The following ZNF493 variants were observed in gnomAD, a reference collection of about 807,000 sequenced individuals.
ZNF493 encodes zinc finger protein 493.
ZNF493 carries 11 observed loss-of-function variants against 12.2 expected under a neutral mutation model. That is an observed-to-expected ratio of 0.90 (90% confidence interval 0.57 to 1.50). The LOEUF is 1.50. ZNF493 is among the 40% of genes most tolerant of loss of function. ZNF493 has a pLI of 0.00. For missense variants in ZNF493, 950 were observed against 906.6 expected (o/e 1.05, Z -0.61); for synonymous variants, 286 against 302.6 (o/e 0.95, Z 0.57).
chr19:21,408,246 C>G, intron 3 of ZNF493: 1 of 695,842 alleles, frequency 1.4e-6, no homozygotes, highest in Non-Finnish European at 1.8e-6. Flanking sequence ...CTACCTCAGC[C>G]TCCTGAGTAG....
At chr19:21,408,713 T>G in intron 3 of ZNF493, 1 of 985,254 alleles carries the variant, frequency 1.0e-6, no homozygotes, top group Non-Finnish European at 1.2e-6. Context: ...TGGTTATGTA[T>G]TATAATTTTA....
intron 3 of ZNF493, among the ~76,000 whole-genome samples, chr19:21,415,250 CAATT>C (rs2030452467): frequency 6.6e-6 from 1 of 152,148 alleles, no homozygotes; most frequent in African/African-American, 2.4e-5. Context: ...ACTTGCTTCT[CAATT>C]AGTTGTAACT....
In ZNF493 at chr19:21,426,306, C is replaced by T. The variant is rs990365967; in HGVS notation, c.*1322C>T. The T allele has an allele frequency of 5.6e-6, 1 of 178,972 alleles. No homozygotes were observed. Among genetic ancestry groups the T allele is most frequent in the Non-Finnish European group, 1.3e-5 (1 of 75,092 alleles). 11.1% of individuals were successfully genotyped at this position (178,972 alleles called of 1,614,324 possible). A position where few individuals can be genotyped will look rare whatever the true frequency, so the allele number is the denominator to read the frequency against. On this transcript the variant is annotated 3_prime_UTR_variant, in exon 4 of 4. Coordinates refer to ENST00000392288, the MANE Select transcript of ZNF493 (RefSeq NM_001076678.3). ...TGTGGCAAAGTTTTTAACTAATACA[C>T]CTTATTGCACAGAAAATCATTTATA...
chr19:21,424,914 G>C lies in ZNF493; in HGVS notation c.2255G>C (p.Arg752Pro). Residue 752 changes from arginine to proline, a missense_variant, in exon 4 of 4, where the codon CGG becomes CCG. Transcript: ENST00000392288. ...KCEACGKAFR[R>P]SSHLSRHKII... ...GAAGCATGTGGCAAAGCTTTTAGGCGGTCTTCACATCTTAGTAGACATAAG... is the reference window on the plus strand; with the variant it reads ...GAAGCATGTGGCAAAGCTTTTAGGCCGTCTTCACATCTTAGTAGACATAAG... The C allele has an allele frequency of 6.2e-7, 1 of 1,611,788 alleles. No individual in the cohort carries two copies. The highest frequency in any genetic ancestry group is 8.5e-7 in the Non-Finnish European group (1 of 1,178,948).
chr19:21,405,646 A>G (rs1459575745), intron 2 of ZNF493, 115 bp from the exon 3 acceptor site: 3 of 1,101,954 alleles, frequency 2.7e-6, no homozygotes, highest in Non-Finnish European at 3.7e-6. Context: ...ATTAAATAGT[A>G]TTTTGGGATA....
At chr19:21,403,473 G>GTT in intron 1 of ZNF493, among the ~76,000 whole-genome samples, 1 of 151,292 alleles carries the variant, frequency 6.6e-6, no homozygotes, top group South Asian at 2.1e-4. Flanking sequence ...AATCTCTCCT[G>GTT]TTATAAAGGA....
chr19:21,418,049 C>G (rs926901332), intron 3 of ZNF493, among the ~76,000 whole-genome samples: 2 of 152,184 alleles, frequency 1.3e-5, no homozygotes, highest in African/African-American at 2.4e-5. Context: ...CTATATCACT[C>G]TCTCGTCTAG....
intron 3 of ZNF493, among the ~76,000 whole-genome samples, chr19:21,417,558 T>A (rs1165045307): frequency 6.6e-6 from 1 of 152,276 alleles, no homozygotes; most frequent in South Asian, 2.1e-4. Context: ...ACGGTTCTTT[T>A]GGTCCCTGTT....
chr19:21,399,635 T>A (rs1466661903), intron 1 of ZNF493, among the ~76,000 whole-genome samples: 1 of 152,214 alleles, frequency 6.6e-6, no homozygotes, highest in Non-Finnish European at 1.5e-5. Context: ...AAATTATATC[T>A]AATCATATAT....
At chr19:21,408,550 GT>G (rs2030213069) in intron 3 of ZNF493, 2 of 984,402 alleles carry the variant, frequency 2.0e-6, no homozygotes, top group Non-Finnish European at 2.4e-6. Flanking sequence ...GATGAGTACA[GT>G]TACAGTCAAA....
Position 21,424,701 on chromosome 19 carries a change from A to C in ZNF493, c.2042A>C (p.Glu681Ala), listed in dbSNP as rs201709398. The C allele has an allele frequency of 9.7e-5, 157 of 1,613,058 alleles. No individual in the cohort carries two copies. The highest frequency in any genetic ancestry group is 1.2e-4 in the Non-Finnish European group (141 of 1,179,544). The change falls in exon 4 of 4, where the codon GAA becomes GCA. Residue 681 changes from glutamate (E) to alanine (A), a missense_variant. Coordinates refer to ENST00000392288, the MANE Select transcript of ZNF493 (RefSeq NM_001076678.3). ...ACTAAACATAAGATAATTCATACTG[A>C]AGAGAAACCCTACAAATGTGAAAAA... ...TLTKHKIIHTEEKPYKCEKCG... is the reference protein window; with the variant it reads ...TLTKHKIIHTAEKPYKCEKCG...
intron 1 of ZNF493, among the ~76,000 whole-genome samples, chr19:21,399,900 T>G (rs2029885473): frequency 6.6e-6 from 1 of 152,210 alleles, no homozygotes; most frequent in African/African-American, 2.4e-5. Context: ...TTCCTTTTTT[T>G]GCAAGGTAAA....
chr19:21,407,849 A>T (rs961629284), intron 3 of ZNF493: 1 of 985,236 alleles, frequency 1.0e-6, no homozygotes, highest in East Asian at 1.1e-4. Flanking sequence ...TTCCAGTGCT[A>T]TGTTAAAATA....
At chr19:21,397,297 G>A in intron 1 of ZNF493, 30 bp downstream of exon 1, 1 of 1,614,178 alleles carries the variant, frequency 6.2e-7, no homozygotes, top group South Asian at 1.1e-5. Flanking sequence ...CATCACGAGA[G>A]AGGGGAAGGA....
At chr19:21,404,725 G>T (rs2145269069) in intron 1 of ZNF493, among the ~76,000 whole-genome samples, 1 of 151,752 alleles carries the variant, frequency 6.6e-6, no homozygotes, top group East Asian at 1.9e-4. Context: ...TGGGAAAAAA[G>T]AATCTGCACA....
rs146301555 is a variant in ZNF493, at chr19:21,424,155, A to G, written c.1496A>G (p.Asn499Ser). 2 of 1,613,492 alleles carry G rather than the reference A, an allele frequency of 1.2e-6. No individual in the cohort carries two copies. The highest frequency in any genetic ancestry group is 1.7e-6 in the Non-Finnish European group (2 of 1,179,726). Residue 499 changes from asparagine to serine, a missense_variant, in exon 4 of 4, where the codon AAC becomes AGC. Coordinates refer to ENST00000392288, the MANE Select transcript of ZNF493 (RefSeq NM_001076678.3). ...TGTGAAGAATGTGGCAAAGCTTTTA[A>G]CCAATCTTCAACCCTTAGTATACAT... ...YKCEECGKAFNQSSTLSIHKI... is the reference protein window; with the variant it reads ...YKCEECGKAFSQSSTLSIHKI...
At position 21,425,243 on chromosome 19, in the gene ZNF493, G is replaced by A; in HGVS notation, c.*259G>A. 1.9e-6 allele frequency: 1 copy of A among 522,722 alleles called. No individual in the cohort carries two copies. The highest frequency in any genetic ancestry group is 3.1e-5 in the Admixed American group (1 of 31,792). 32.4% of individuals were successfully genotyped at this position (522,722 alleles called of 1,614,324 possible). ...AGTTCTCATCCCTTACTAAACATAA[G>A]AGAATTCATACCATAGAGAAATCCT... On this transcript the variant is annotated 3_prime_UTR_variant, in exon 4 of 4. Coordinates refer to ENST00000392288, the MANE Select transcript of ZNF493 (RefSeq NM_001076678.3).
At position 21,405,802 on chromosome 19, in the gene ZNF493, C is replaced by T. The variant is rs200428628; in HGVS notation, c.199C>T (p.Gln67Ter). The T allele has an allele frequency of 2.5e-5, 39 of 1,587,730 alleles. No homozygotes were observed. Among genetic ancestry groups the T allele is most frequent in the Non-Finnish European group, 3.2e-5 (37 of 1,166,572 alleles). ...SKPDLVTCLE[Q>*]GKDPWNMKGH... ...GCCAGATCTGGTCACCTGTCTGGAGCAAGGAAAAGATCCCTGGAATATGAA... is the reference window on the plus strand; with the variant it reads ...GCCAGATCTGGTCACCTGTCTGGAGTAAGGAAAAGATCCCTGGAATATGAA... Residue 67 changes from glutamine (Q) to a stop codon, truncating the protein, a stop_gained, in exon 3 of 4, where the codon CAA becomes TAA. Transcript: ENST00000392288. LOFTEE classifies it high-confidence loss of function.
At chr19:21,413,413 A>G in intron 3 of ZNF493, 1 of 407,490 alleles carries the variant, frequency 2.5e-6, no homozygotes, top group Non-Finnish European at 4.3e-6. Context: ...GATAACTGCT[A>G]TCATAGCTAC....
Sources: gnomAD v4.1 joint callset for allele counts (sites outside exome capture counted in the v4.1 genomes callset) on GRCh38, gnomAD v4.1.1 for gene constraint, MANE v1.5 for transcripts, NCBI Gene and HGNC (gene_info 2026-07-23, HGNC 2026-07-21) for gene names.